The following CEP85L variants were observed in gnomAD, a reference collection of about 807,000 sequenced individuals.
CEP85L encodes the protein centrosomal protein 85L, also known as centrosomal protein of 85 kDa-like.
CEP85L carries 60 observed loss-of-function variants against 100.3 expected under a neutral mutation model. That is an observed-to-expected ratio of 0.60 (90% CI 0.49 to 0.74). CEP85L has a LOEUF of 0.74. CEP85L is among the 30% of genes least tolerant of loss of function. The pLI is 0.00. For missense variants in CEP85L, 973 were observed against 936.2 expected (o/e 1.04, Z -0.51); for synonymous variants, 319 against 322.7 (o/e 0.99, Z 0.12).
At chr6:118,605,969 G>C (rs189698719) in intron 2 of CEP85L, among the ~76,000 whole-genome samples, 1 of 146,872 alleles carries the variant, frequency 6.8e-6, no homozygotes, top group Non-Finnish European at 1.5e-5. Flanking sequence ...AGCCAAGATC[G>C]CGCCACTGCA....
intron 1 of CEP85L, among the ~76,000 whole-genome samples, chr6:118,639,684 CTG>C (rs1774739363): frequency 6.6e-6 from 1 of 152,190 alleles, no homozygotes; most frequent in South Asian, 2.1e-4. Context: ...CCTCACCAAA[CTG>C]TGAAAAATGA....
At chr6:118,564,106 G>T (rs1212347180) in intron 3 of CEP85L, among the ~76,000 whole-genome samples, 1 of 150,494 alleles carries the variant, frequency 6.6e-6, no homozygotes. Flanking sequence ...TATCTCAACA[G>T]TGTGTCCCCA....
chr6:118,514,080 C>T (rs183074697), intron 4 of CEP85L, among the ~76,000 whole-genome samples: 223 of 152,132 alleles, frequency 1.5e-3, no homozygotes, highest in African/African-American at 5.2e-3. Flanking sequence ...GACTGCTATA[C>T]TTTAAAATAT....
At chr6:118,660,680 C>T (rs1021437556) in intron 1 of CEP85L, among the ~76,000 whole-genome samples, 1 of 152,214 alleles carries the variant, frequency 6.6e-6, no homozygotes, top group Non-Finnish European at 1.5e-5. Flanking sequence ...GTCCACAACA[C>T]ACATGCCTCC....
intron 5 of CEP85L, chr6:118,501,338 C>T (rs1775288597): frequency 3.3e-5 from 12 of 361,430 alleles, no homozygotes; most frequent in South Asian, 1.1e-4. Context: ...TACCAAACCC[C>T]GCACGCCAAT....
At chr6:118,664,042 C>T (rs917870455) in intron 1 of CEP85L, among the ~76,000 whole-genome samples, 33 of 151,114 alleles carry the variant, frequency 2.2e-4, no homozygotes, top group Admixed American at 1.7e-3. Flanking sequence ...ATTACAGGAA[C>T]GCACCACTAT....
intron 1 of CEP85L, among the ~76,000 whole-genome samples, chr6:118,648,285 T>C (rs1775331060): frequency 6.6e-6 from 1 of 152,154 alleles, no homozygotes; most frequent in Non-Finnish European, 1.5e-5. Context: ...TCATTTTATT[T>C]TTGGTTTATA....
At chr6:118,509,246 A>G (rs1775831587) in intron 5 of CEP85L, among the ~76,000 whole-genome samples, 1 of 152,022 alleles carries the variant, frequency 6.6e-6, no homozygotes, top group Non-Finnish European at 1.5e-5. Flanking sequence ...TCAGATACCT[A>G]TTTTTTACAT....
chr6:118,692,311 C>A (rs571370872), intron 1 of CEP85L, among the ~76,000 whole-genome samples: 4 of 152,264 alleles, frequency 2.6e-5, no homozygotes, highest in Admixed American at 1.3e-4. Context: ...TTCAGTAAAG[C>A]TTAATTGGGC....
intron 5 of CEP85L, among the ~76,000 whole-genome samples, chr6:118,510,536 T>C (rs1422445840): frequency 1.3e-5 from 2 of 152,076 alleles, no homozygotes; most frequent in Non-Finnish European, 2.9e-5. Context: ...TCCCCTTTCT[T>C]TTATATAGAC....
At chr6:118,652,953 G>A, upstream of CEP85L, 4 of 492,906 alleles carry the variant, frequency 8.1e-6, no homozygotes, top group Non-Finnish European at 1.1e-5. Flanking sequence ...AGAAGCTATA[G>A]CACTATGTAT....
At chr6:118,537,040 T>C (rs1777634436) in intron 3 of CEP85L, among the ~76,000 whole-genome samples, 1 of 152,162 alleles carries the variant, frequency 6.6e-6, no homozygotes, top group Non-Finnish European at 1.5e-5. Context: ...CCGAGGTACT[T>C]GTTTTGATAG....
intron 3 of CEP85L, among the ~76,000 whole-genome samples, chr6:118,536,139 A>G (rs1014208972): frequency 6.6e-6 from 1 of 152,218 alleles, no homozygotes; most frequent in African/African-American, 2.4e-5. Flanking sequence ...TGGTGGTAGA[A>G]GTATACACTA....
intron 3 of CEP85L, among the ~76,000 whole-genome samples, chr6:118,543,872 T>A (rs1227998690): frequency 6.6e-6 from 1 of 152,096 alleles, no homozygotes; most frequent in African/African-American, 2.4e-5. Flanking sequence ...AAAAACTGAG[T>A]AGGAAAGAGT....
At chr6:118,559,219 A>T (rs1779086598) in intron 3 of CEP85L, 1 of 768,400 alleles carries the variant, frequency 1.3e-6, no homozygotes, top group Admixed American at 1.8e-5. Flanking sequence ...CAAGATTAAG[A>T]CTAAAACTTA....
chr6:118,680,399 C>A (rs1384434325), intron 1 of CEP85L, among the ~76,000 whole-genome samples: 1 of 105,520 alleles, frequency 9.5e-6, no homozygotes, highest in African/African-American at 4.1e-5. Context: ...TAGAAAAGTT[C>A]AAAAATAATC....
intron 3 of CEP85L, among the ~76,000 whole-genome samples, chr6:118,546,751 C>A (rs193214606): frequency 4.8e-4 from 73 of 152,122 alleles, no homozygotes; most frequent in Admixed American, 3.2e-3. Flanking sequence ...TATTATCAAT[C>A]ATCATTGGTA....
intron 10 of CEP85L, among the ~76,000 whole-genome samples, chr6:118,477,152 G>C (rs1773446199): frequency 6.6e-6 from 1 of 151,970 alleles, no homozygotes; most frequent in Non-Finnish European, 1.5e-5. Context: ...TAGTTTTATG[G>C]ATATAAATAA....
At chr6:118,700,359 A>G (rs558584217) in intron 1 of CEP85L, among the ~76,000 whole-genome samples, 1 of 152,344 alleles carries the variant, frequency 6.6e-6, no homozygotes, top group South Asian at 2.1e-4. Flanking sequence ...TTCATTTGGA[A>G]TGAAATACTA....
Sources: gnomAD v4.1 joint callset for allele counts (sites outside exome capture counted in the v4.1 genomes callset) on GRCh38, gnomAD v4.1.1 for gene constraint, MANE v1.5 for transcripts, NCBI Gene and HGNC (gene_info 2026-07-23, HGNC 2026-07-21) for gene names.